PTPN4: variants seen among roughly 807,000 people sequenced by gnomAD.
PTPN4 encodes the protein protein tyrosine phosphatase non-receptor type 4.
PTPN4 carries 49 observed loss-of-function variants against 135.5 expected under a neutral mutation model. The observed-to-expected ratio is 0.36, with a 90% CI of 0.29 to 0.46. The LOEUF is 0.46. PTPN4 is among the 20% of genes least tolerant of loss of function. The probability of loss-of-function intolerance (pLI) is 1.00; values close to 1 mark genes in which losing one functional copy is unlikely to be tolerated. For missense variants in PTPN4, 860 were observed against 1,101.0 expected (o/e 0.78, Z 3.10); for synonymous variants, 333 against 369.9 (o/e 0.90, Z 1.14).
rs116879177 is a variant in PTPN4 at position 119,907,232 on chromosome 2, A to G, written c.764+6426A>G. Among the ~76,000 whole-genome samples the G allele has an allele frequency of 1.5e-3, 229 of 152,332 alleles. 8 individuals carry two copies. In the East Asian group the frequency reaches 0.041, roughly 27 times the overall value. On this transcript the variant is annotated intron_variant, in intron 10 of 26. Coordinates refer to ENST00000263708, the MANE Select transcript of PTPN4 (RefSeq NM_002830.4). ...TGAAAATGACCACACTACCCAAAGC[A>G]TTCTACAGATTCAATGCAACATCTG...
At chr2:119,815,998 A>G (rs1031523009) in intron 2 of PTPN4, among the ~76,000 whole-genome samples, 2 of 152,210 alleles carry the variant, frequency 1.3e-5, no homozygotes, top group Non-Finnish European at 2.9e-5. Flanking sequence ...GTGCTCCTCT[A>G]AGTATAGTCA....
intron 2 of PTPN4, among the ~76,000 whole-genome samples, chr2:119,837,979 G>A (rs1677321301): frequency 3.3e-5 from 5 of 152,326 alleles, no homozygotes; most frequent in South Asian, 2.1e-4. Context: ...CGCCTGACTC[G>A]CCCTTGGCAG....
chr2:119,825,065 A>G (rs1677127324), intron 2 of PTPN4, among the ~76,000 whole-genome samples: 1 of 152,208 alleles, frequency 6.6e-6, no homozygotes, highest in African/African-American at 2.4e-5. Flanking sequence ...TCCTACGTAT[A>G]TACTTATTTC....
At chr2:119,924,682 A>C (rs1215221585) in intron 12 of PTPN4, among the ~76,000 whole-genome samples, 2 of 151,688 alleles carry the variant, frequency 1.3e-5, no homozygotes, top group Non-Finnish European at 2.9e-5. Context: ...TATTATGGAC[A>C]ATATGAAATA....
chr2:119,909,423 G>T (rs1219453757), intron 10 of PTPN4, among the ~76,000 whole-genome samples: 1 of 152,132 alleles, frequency 6.6e-6, no homozygotes, highest in Non-Finnish European at 1.5e-5. Context: ...AATATTTTAA[G>T]TCCATTGTTA....
chr2:119,847,773 A>G (rs903116466), intron 2 of PTPN4, among the ~76,000 whole-genome samples: 1 of 152,134 alleles, frequency 6.6e-6, no homozygotes, highest in Admixed American at 6.5e-5. Flanking sequence ...GCTGGCAACA[A>G]ATACTCTCAG....
chr2:119,870,368 G>A (rs1289935599), intron 3 of PTPN4, among the ~76,000 whole-genome samples: 2 of 152,156 alleles, frequency 1.3e-5, no homozygotes, highest in East Asian at 3.8e-4. Context: ...GACACACCAT[G>A]CTCATAATGA....
intron 13 of PTPN4, 58 bp downstream of exon 13, chr2:119,926,724 A>G: frequency 7.5e-7 from 1 of 1,326,448 alleles, no homozygotes. Context: ...TGAGTTTACT[A>G]AAAAGTTTTT....
At chr2:119,827,788 A>G (rs1467113723) in intron 2 of PTPN4, among the ~76,000 whole-genome samples, 4 of 152,212 alleles carry the variant, frequency 2.6e-5, no homozygotes, top group Non-Finnish European at 5.9e-5. Flanking sequence ...GAGTTAAACT[A>G]TATGAGATTG....
At chr2:119,876,358 A>G (rs999871570) in intron 3 of PTPN4, among the ~76,000 whole-genome samples, 1 of 152,192 alleles carries the variant, frequency 6.6e-6, no homozygotes, top group African/African-American at 2.4e-5. Context: ...AGAGATAAGG[A>G]TGATAAATTG....
chr2:119,893,539 C>A (rs756313795), intron 9 of PTPN4, among the ~76,000 whole-genome samples: 1 of 151,870 alleles, frequency 6.6e-6, no homozygotes, highest in Non-Finnish European at 1.5e-5. Flanking sequence ...GAATTGTTAG[C>A]GTATAGTTAA....
At chr2:119,936,802 G>A (rs574773436) in intron 15 of PTPN4, among the ~76,000 whole-genome samples, 14 of 152,214 alleles carry the variant, frequency 9.2e-5, no homozygotes, top group Admixed American at 7.8e-4. Flanking sequence ...CTTCTCTCTT[G>A]TGCACAAGAA....
intron 2 of PTPN4, among the ~76,000 whole-genome samples, chr2:119,834,248 T>C (rs1322108203): frequency 6.6e-6 from 1 of 152,184 alleles, no homozygotes; most frequent in African/African-American, 2.4e-5. Flanking sequence ...CCTACTCTAC[T>C]GAGGAACATT....
intron 12 of PTPN4, among the ~76,000 whole-genome samples, chr2:119,925,201 TGCC>T (rs1678804155): frequency 1.3e-5 from 2 of 152,128 alleles, no homozygotes; most frequent in African/African-American, 4.8e-5. Flanking sequence ...TTAAAGCAGC[TGCC>T]AGCAGCTGCC....
intron 2 of PTPN4, among the ~76,000 whole-genome samples, chr2:119,832,251 C>T (rs185800291): frequency 4.3e-4 from 66 of 152,242 alleles, no homozygotes; most frequent in Admixed American, 4.0e-3. Context: ...ACTTTTTTTC[C>T]ATGCTAGCTC....
At chr2:119,916,574 C>T (rs1678656489) in intron 11 of PTPN4, 1 of 152,004 alleles carries the variant, frequency 6.6e-6, no homozygotes, top group South Asian at 2.1e-4. Flanking sequence ...TCAGCACCTC[C>T]AAGATATGTA....
At chr2:119,970,625 T>G (rs1679518203) in intron 26 of PTPN4, among the ~76,000 whole-genome samples, 1 of 152,258 alleles carries the variant, frequency 6.6e-6, no homozygotes, top group Non-Finnish European at 1.5e-5. Context: ...TACTGCAGTA[T>G]GTATTATTAC....
intron 2 of PTPN4, among the ~76,000 whole-genome samples, chr2:119,820,301 G>A (rs1677046753): frequency 6.6e-6 from 1 of 152,198 alleles, no homozygotes; most frequent in South Asian, 2.1e-4. Context: ...TGATAGATGT[G>A]ATCTGTTCTT....
chr2:119,763,249 T>A (rs892426393), intron 1 of PTPN4, among the ~76,000 whole-genome samples: 4 of 152,190 alleles, frequency 2.6e-5, no homozygotes, highest in Admixed American at 1.3e-4. Flanking sequence ...GAGATGCAAG[T>A]ATTTGAATTA....
Sources: allele counts gnomAD v4.1 joint callset (sites outside exome capture counted in the v4.1 genomes callset), GRCh38; gene constraint gnomAD v4.1.1; transcripts MANE v1.5; gene names NCBI Gene and HGNC (gene_info 2026-07-23, HGNC 2026-07-21).